The following CELF4 variants were observed in gnomAD, a reference collection of about 807,000 sequenced individuals.
The protein encoded by CELF4 is CUG-BP- and ETR-3-like factor 4.
Under a neutral mutation model 59.9 loss-of-function variants are expected in CELF4, and 18 were observed. The ratio of observed to expected loss-of-function variants is 0.30; its 90% CI spans 0.21 to 0.45. The LOEUF is 0.45. Among genes scored for constraint, CELF4 ranks in the 20% least tolerant of loss-of-function variants. CELF4 has a pLI of 1.00. For synonymous variants in CELF4, 261 were observed against 267.1 expected (o/e 0.98, Z 0.22); for missense variants, 456 against 689.0 (o/e 0.66, Z 3.79).
chr18:37,375,021 C>T (rs1186803477), intron 2 of CELF4, among the ~76,000 whole-genome samples: 1 of 152,168 alleles, frequency 6.6e-6, no homozygotes, highest in Non-Finnish European at 1.5e-5. Context: ...CCTGTCTGGC[C>T]TGTGATGTGT....
At chr18:37,329,702 A>G (rs1192155266) in intron 2 of CELF4, among the ~76,000 whole-genome samples, 3 of 152,234 alleles carry the variant, frequency 2.0e-5, no homozygotes, top group Non-Finnish European at 4.4e-5. Flanking sequence ...GAGAGGCTGA[A>G]CTATGCATGA....
At chr18:37,419,526 T>C (rs1256312859) in intron 2 of CELF4, among the ~76,000 whole-genome samples, 1 of 152,078 alleles carries the variant, frequency 6.6e-6, no homozygotes, top group Non-Finnish European at 1.5e-5. Flanking sequence ...CCAGGAAGGA[T>C]GGTGGCATTC....
At chr18:37,507,814 G>A (rs1203986961) in intron 1 of CELF4, among the ~76,000 whole-genome samples, 2 of 152,120 alleles carry the variant, frequency 1.3e-5, no homozygotes, top group Non-Finnish European at 2.9e-5. Context: ...AGGGCCCAGG[G>A]CCCCTCACAT....
rs569675998 is a variant in CELF4, at chr18:37,474,294, A to G, written c.369+11231T>C. On this transcript the variant is annotated intron_variant, in intron 2 of 12. Transcript: ENST00000420428. ...CAGGCAGAGCTGGGGATGGAATCAG[A>G]CTCTGCCTTCCATTCAGAACAGGAC... Among the ~76,000 whole-genome samples, 7 of 152,262 alleles carry G rather than the reference A, an allele frequency of 4.6e-5. No individual in the cohort carries two copies. In the South Asian group the frequency reaches 1.5e-3, roughly 32 times the overall value.
chr18:37,510,984 T>C (rs974746278), intron 1 of CELF4, among the ~76,000 whole-genome samples: 1 of 152,140 alleles, frequency 6.6e-6, no homozygotes, highest in Non-Finnish European at 1.5e-5. Context: ...CCAGGGGCAC[T>C]ATTTGTCACC....
At chr18:37,503,384 G>A (rs2099934021) in intron 1 of CELF4, among the ~76,000 whole-genome samples, 1 of 152,214 alleles carries the variant, frequency 6.6e-6, no homozygotes, top group African/African-American at 2.4e-5. Context: ...CCCGTGGCTG[G>A]CACTCCAGCC....
intron 1 of CELF4, among the ~76,000 whole-genome samples, chr18:37,487,723 A>G (rs1185418010): frequency 6.6e-6 from 1 of 152,176 alleles, no homozygotes; most frequent in African/African-American, 2.4e-5. Flanking sequence ...GGACAAGGTC[A>G]GGGGCAGGTT....
intron 2 of CELF4, among the ~76,000 whole-genome samples, chr18:37,410,748 C>T (rs768884484): frequency 4.6e-5 from 7 of 152,180 alleles, no homozygotes; most frequent in Non-Finnish European, 8.8e-5. Flanking sequence ...TGCACACCCC[C>T]GTCACCGCAG....
At chr18:37,364,663 C>T (rs1301908161) in intron 2 of CELF4, among the ~76,000 whole-genome samples, 1 of 152,206 alleles carries the variant, frequency 6.6e-6, no homozygotes, top group Non-Finnish European at 1.5e-5. Flanking sequence ...AGGATTTGCC[C>T]AGTCTTTTCT....
At chr18:37,348,420 C>T (rs985760756) in intron 2 of CELF4, among the ~76,000 whole-genome samples, 3 of 152,150 alleles carry the variant, frequency 2.0e-5, no homozygotes, top group Non-Finnish European at 4.4e-5. Context: ...GTGAATGCAC[C>T]CCCGGTCCTG....
chr18:37,393,984 A>C (rs1362555963), intron 2 of CELF4, among the ~76,000 whole-genome samples: 1 of 150,880 alleles, frequency 6.6e-6, no homozygotes, highest in Non-Finnish European at 1.5e-5. Context: ...TGGGATTTGC[A>C]TGACAAAAGC....
intron 2 of CELF4, among the ~76,000 whole-genome samples, chr18:37,474,613 T>A (rs995091698): frequency 6.6e-6 from 1 of 152,214 alleles, no homozygotes; most frequent in African/African-American, 2.4e-5. Flanking sequence ...ACAATAGCAC[T>A]AATAAGGCCT....
intron 2 of CELF4, among the ~76,000 whole-genome samples, chr18:37,468,346 T>C (rs1042212011): frequency 4.6e-5 from 7 of 152,124 alleles, no homozygotes; most frequent in East Asian, 1.9e-4. Flanking sequence ...GCCTAGCCTC[T>C]GTGAGGGTTT....
In CELF4 at chr18:37,504,773, G is replaced by A. The variant is rs561451472; in HGVS notation, c.287-19166C>T. ...ACTGGCTCTATTTTCATTTTTTGGC[G>A]TGTCTGTGAGAAATATGGAGATCCT... is the stretch of plus-strand genomic sequence containing the variant. On this transcript the variant is annotated intron_variant, in intron 1 of 12. Coordinates refer to ENST00000420428, the MANE Select transcript of CELF4 (RefSeq NM_020180.4). Among the ~76,000 whole-genome samples, 6 of 152,312 alleles carry A rather than the reference G, an allele frequency of 3.9e-5. No individual in the cohort carries two copies. The South Asian group carries it at 6.2e-4, about 16-fold the overall frequency.
At chr18:37,398,774 T>A (rs1273334191) in intron 2 of CELF4, among the ~76,000 whole-genome samples, 1 of 152,134 alleles carries the variant, frequency 6.6e-6, no homozygotes, top group Non-Finnish European at 1.5e-5. Flanking sequence ...TGTGTTGCGA[T>A]CACTCGAGAT....
chr18:37,301,314 C>T (rs1276824373), intron 3 of CELF4, among the ~76,000 whole-genome samples: 1 of 152,192 alleles, frequency 6.6e-6, no homozygotes, highest in Non-Finnish European at 1.5e-5. Flanking sequence ...AGCCCCCTGT[C>T]CCTGCCTGAT....
At chr18:37,268,807 C>T (rs1217061499) in intron 8 of CELF4, among the ~76,000 whole-genome samples, 3 of 152,194 alleles carry the variant, frequency 2.0e-5, no homozygotes, top group Non-Finnish European at 4.4e-5. Flanking sequence ...TGAAGGATCT[C>T]GCTCATTACA....
At chr18:37,354,007 G>A (rs1299185273) in intron 2 of CELF4, among the ~76,000 whole-genome samples, 10 of 152,098 alleles carry the variant, frequency 6.6e-5, no homozygotes, top group South Asian at 2.1e-4. Context: ...TGCCCGCCTC[G>A]GCCTCCCAAA....
intron 2 of CELF4, among the ~76,000 whole-genome samples, chr18:37,477,274 G>A (rs560834293): frequency 3.3e-5 from 5 of 152,348 alleles, no homozygotes; most frequent in East Asian, 3.9e-4. Context: ...GGATGGGGAC[G>A]GATTGGAAAG....
Sources: gnomAD v4.1 joint callset for allele counts (sites outside exome capture counted in the v4.1 genomes callset) on GRCh38, gnomAD v4.1.1 for gene constraint, MANE v1.5 for transcripts, NCBI Gene and HGNC (gene_info 2026-07-23, HGNC 2026-07-21) for gene names.